Variants in GTF2E1 observed in about 807,000 individuals in gnomAD.
GTF2E1 encodes general transcription factor IIE subunit 1, also known as TFIIE alpha subunit.
A neutral mutation model predicts 34.9 loss-of-function variants in GTF2E1; 14 were observed. The observed-to-expected ratio is 0.40, with a 90% confidence interval of 0.27 to 0.63. The LOEUF (loss-of-function observed/expected upper bound fraction) is 0.63, where lower values mean the gene tolerates loss of function less well. Ranked by LOEUF, GTF2E1 falls within the 20% of genes least tolerant of loss-of-function variation. The pLI is 0.39. For missense variants in GTF2E1, 469 were observed against 557.7 expected, an observed-to-expected ratio of 0.84 and a Z score of 1.60; for synonymous variants, 188 against 192.9, an observed-to-expected ratio of 0.97 and a Z score of 0.21.
intron 3 of GTF2E1, among the ~76,000 whole-genome samples, chr3:120,772,616 C>A (rs1367011965): frequency 6.6e-6 from 1 of 152,118 alleles, no homozygotes; most frequent in East Asian, 1.9e-4. Flanking sequence ...TACAAAAATA[C>A]AAAATTTTCT....
intron 3 of GTF2E1, among the ~76,000 whole-genome samples, chr3:120,773,336 G>T (rs1709368321): frequency 6.6e-6 from 1 of 152,098 alleles, no homozygotes; most frequent in Non-Finnish European, 1.5e-5. Context: ...TCCTGCCTCA[G>T]TACAAGAGAA....
At chr3:120,745,492 T>A (rs944993543) in intron 1 of GTF2E1, among the ~76,000 whole-genome samples, 1 of 152,040 alleles carries the variant, frequency 6.6e-6, no homozygotes, top group Non-Finnish European at 1.5e-5. Flanking sequence ...GCTTTAAAAA[T>A]TTGTGTGATG....
chr3:120,754,987 T>G (rs1054063803), intron 2 of GTF2E1, among the ~76,000 whole-genome samples: 1 of 152,146 alleles, frequency 6.6e-6, no homozygotes, highest in Non-Finnish European at 1.5e-5. Flanking sequence ...CTAGGCTGTT[T>G]TAGATTTACT....
intron 2 of GTF2E1, among the ~76,000 whole-genome samples, 200 bp from the exon 3 acceptor site, chr3:120,770,528 G>A (rs1167368705): frequency 6.6e-6 from 1 of 152,066 alleles, no homozygotes; most frequent in Non-Finnish European, 1.5e-5. Flanking sequence ...CATCAAAAAT[G>A]ATAGATGGAT....
chr3:120,774,071 A>G (rs1380485330), intron 3 of GTF2E1, among the ~76,000 whole-genome samples: 5 of 152,230 alleles, frequency 3.3e-5, no homozygotes, highest in African/African-American at 1.2e-4. Flanking sequence ...AAAGAGAAGC[A>G]GTAACCTCAG....
chr3:120,760,725 A>G (rs1381153177), intron 2 of GTF2E1, among the ~76,000 whole-genome samples: 1 of 151,954 alleles, frequency 6.6e-6, no homozygotes, highest in Non-Finnish European at 1.5e-5. Context: ...GATGGATTAC[A>G]TTTATTGATT....
chr3:120,750,521 A>C lies in GTF2E1; in HGVS notation c.-30-2A>C, dbSNP rs780824553. The C allele has an allele frequency of 6.5e-7, 1 of 1,539,796 alleles. No homozygotes were observed. Among genetic ancestry groups the C allele is most frequent in the Non-Finnish European group, 8.9e-7 (1 of 1,123,750 alleles). ...TAATTTTCTGTTTTTTTTTGAATTC[A>C]GTATATTTAAAGTTGGAGTTCGTTG... On this transcript the variant is annotated splice_acceptor_variant, in intron 1 of 4. Transcript: ENST00000283875. LOFTEE classifies it low-confidence loss of function (5UTR_SPLICE).
chr3:120,781,200 T>A lies in GTF2E1; in HGVS notation c.1050T>A (p.Asn350Lys). 6.2e-7 allele frequency: 1 copy of A among 1,614,136 alleles called. No individual in the cohort carries two copies. Among genetic ancestry groups the A allele is most frequent in the Non-Finnish European group, 8.5e-7 (1 of 1,180,010 alleles). Residue 350 changes from asparagine (N) to lysine (K), a missense_variant, in exon 5 of 5, where the codon AAT becomes AAA. Physicochemically the swap from Asn to Lys is moderately conservative, Grantham distance 94 (BLOSUM62 0). Transcript: ENST00000283875. ...VGAAAPVTAA[N>K]GSDSESETSE... ...CAGCTGCTCCAGTGACCGCTGCCAA[T>A]GGCAGTGACTCAGAAAGCGAGACCA...
intron 2 of GTF2E1, among the ~76,000 whole-genome samples, chr3:120,755,165 T>C (rs1390652600): frequency 6.6e-6 from 1 of 152,220 alleles, no homozygotes; most frequent in African/African-American, 2.4e-5. Context: ...AGATCTCTTC[T>C]AGTGATGAGT....
intron 1 of GTF2E1, among the ~76,000 whole-genome samples, chr3:120,746,696 G>A (rs1348013912): frequency 1.3e-5 from 2 of 152,170 alleles, no homozygotes; most frequent in African/African-American, 2.4e-5. Flanking sequence ...CTACTGGGGA[G>A]TTTGAGGTGG....
intron 1 of GTF2E1, among the ~76,000 whole-genome samples, chr3:120,743,357 T>C (rs926296943): frequency 6.6e-6 from 1 of 152,148 alleles, no homozygotes; most frequent in Non-Finnish European, 1.5e-5. Flanking sequence ...CTGTTTTAAA[T>C]TTAAGAAGAG....
At chr3:120,770,641 TTAA>T (rs1709343375) in intron 2 of GTF2E1, 84 bp from the exon 3 acceptor site, 2 of 925,612 alleles carry the variant, frequency 2.2e-6, no homozygotes, top group Non-Finnish European at 3.5e-6. Context: ...TTTGAAAGTT[TTAA>T]TAATAAGATA....
intron 3 of GTF2E1, 65 bp downstream of exon 3, chr3:120,770,994 T>G: frequency 7.7e-7 from 1 of 1,293,654 alleles, no homozygotes; most frequent in Non-Finnish European, 1.1e-6. Context: ...TAACTACCTG[T>G]ACCTTGGAGA....
rs1709453172 is a variant in GTF2E1 at position 120,781,994 on chromosome 3, C to T, written c.*524C>T. 6.5e-6 allele frequency: 1 copy of T among 153,652 alleles called. No homozygotes were observed. The highest frequency in any genetic ancestry group is 6.4e-5 in the Admixed American group (1 of 15,592). The allele number at this position is 153,652 out of a possible 1,614,324, so 9.5% of individuals were successfully genotyped here. A position where few individuals can be genotyped will look rare whatever the true frequency, so the allele number is the denominator to read the frequency against. Reference sequence around the variant, plus strand: ...CTCCCAAAGTGCTGTATTTTCTTATCTGATTTTTTTCTTGCCTTATTAAGA... The same window carrying T: ...CTCCCAAAGTGCTGTATTTTCTTATTTGATTTTTTTCTTGCCTTATTAAGA... On this transcript the variant is annotated 3_prime_UTR_variant, in exon 5 of 5. Transcript: ENST00000283875.
chr3:120,773,456 C>A (rs567041629), intron 3 of GTF2E1, among the ~76,000 whole-genome samples: 2 of 152,188 alleles, frequency 1.3e-5, no homozygotes, highest in South Asian at 4.1e-4. Flanking sequence ...TAAATTCTAG[C>A]TTGTCCCTAG....
chr3:120,763,549 C>A (rs888858282), intron 2 of GTF2E1, among the ~76,000 whole-genome samples: 1 of 152,154 alleles, frequency 6.6e-6, no homozygotes, highest in Non-Finnish European at 1.5e-5. Flanking sequence ...ATAGTTTCCT[C>A]CTTATCTCAC....
intron 3 of GTF2E1, among the ~76,000 whole-genome samples, chr3:120,776,167 C>T (rs761050073): frequency 5.9e-5 from 9 of 152,046 alleles, no homozygotes; most frequent in Non-Finnish European, 1.3e-4. Context: ...ATCTATAAAA[C>T]CTCAGTCATT....
chr3:120,760,622 T>C (rs1709251812), intron 2 of GTF2E1, among the ~76,000 whole-genome samples: 1 of 152,110 alleles, frequency 6.6e-6, no homozygotes, highest in Non-Finnish European at 1.5e-5. Flanking sequence ...TTATTGAGAG[T>C]TTTTAGCATG....
At chr3:120,771,793 T>C (rs928806737) in intron 3 of GTF2E1, among the ~76,000 whole-genome samples, 2 of 152,192 alleles carry the variant, frequency 1.3e-5, no homozygotes, top group Non-Finnish European at 2.9e-5. Flanking sequence ...AAATTTTGTA[T>C]CTGTAAGAGT....
Sources: allele counts gnomAD v4.1 joint callset (sites outside exome capture counted in the v4.1 genomes callset), GRCh38; gene constraint gnomAD v4.1.1; transcripts MANE v1.5; gene names NCBI Gene and HGNC (gene_info 2026-07-23, HGNC 2026-07-21).